ADGRL2: variants seen among roughly 807,000 people sequenced by gnomAD.
ADGRL2 encodes the protein adhesion G protein-coupled receptor L2.
Under a neutral mutation model 157.4 loss-of-function variants are expected in ADGRL2, and 44 were observed. The ratio of observed to expected loss-of-function variants is 0.28; its 90% CI spans 0.22 to 0.36. The LOEUF (loss-of-function observed/expected upper bound fraction) is 0.36. Among genes scored for constraint, ADGRL2 ranks in the 10% least tolerant of loss-of-function variants. The pLI is 1.00. For synonymous variants in ADGRL2, 585 were observed against 624.7 expected, an observed-to-expected ratio of 0.94 and a Z score of 0.95; for missense variants, 1,510 against 1,768.9, an observed-to-expected ratio of 0.85 and a Z score of 2.63.
At chr1:81,721,207 G>A (rs2084306611) in intron 1 of ADGRL2, among the ~76,000 whole-genome samples, 1 of 150,950 alleles carries the variant, frequency 6.6e-6, no homozygotes, top group Admixed American at 6.7e-5. Flanking sequence ...AATGGTAACG[G>A]CATACATTTA....
intron 2 of ADGRL2, among the ~76,000 whole-genome samples, chr1:81,772,166 C>T (rs1282411112): frequency 6.6e-6 from 1 of 150,444 alleles, no homozygotes; most frequent in Non-Finnish European, 1.5e-5. Flanking sequence ...AGGAGAATCG[C>T]TTGAACCCGG....
intron 2 of ADGRL2, among the ~76,000 whole-genome samples, chr1:81,764,153 C>A (rs1285612267): frequency 1.4e-5 from 2 of 143,584 alleles, no homozygotes; most frequent in East Asian, 4.2e-4. Context: ...GATTGCACCA[C>A]TGCACTCCAG....
intron 1 of ADGRL2, among the ~76,000 whole-genome samples, chr1:81,352,839 T>C (rs1008636739): frequency 4.6e-5 from 7 of 152,266 alleles, no homozygotes; most frequent in South Asian, 2.1e-4. Context: ...TAAGTTTGAG[T>C]AGTAGAGTCA....
intron 2 of ADGRL2, among the ~76,000 whole-genome samples, chr1:81,460,464 G>T (rs188838338): frequency 6.6e-6 from 1 of 151,968 alleles, no homozygotes; most frequent in African/African-American, 2.4e-5. Context: ...ATTTTTCAAA[G>T]TTAAAAAAAT....
At chr1:81,844,872 A>G (rs2092724951) in intron 2 of ADGRL2, among the ~76,000 whole-genome samples, 1 of 152,066 alleles carries the variant, frequency 6.6e-6, no homozygotes, top group Admixed American at 6.6e-5. Context: ...TGTCTGCCAT[A>G]ATTCTTGCTT....
At chr1:81,811,869 C>A (rs1351706134) in intron 1 of ADGRL2, among the ~76,000 whole-genome samples, 1 of 151,146 alleles carries the variant, frequency 6.6e-6, no homozygotes, top group Non-Finnish European at 1.5e-5. Flanking sequence ...ATGAGCCGGG[C>A]AGCTTTTTTT....
intron 3 of ADGRL2, among the ~76,000 whole-genome samples, chr1:81,600,248 T>C (rs1570606782): frequency 1.3e-5 from 2 of 152,338 alleles, no homozygotes; most frequent in Admixed American, 1.3e-4. Flanking sequence ...ACCAAATGGA[T>C]GGCAAAGCCT....
intron 1 of ADGRL2, among the ~76,000 whole-genome samples, chr1:81,802,662 GAGCT>G (rs1290496319): frequency 6.6e-6 from 1 of 152,102 alleles, no homozygotes; most frequent in African/African-American, 2.4e-5. Flanking sequence ...GTCCTCGGCG[GAGCT>G]TATTTGCTCC....
chr1:81,781,266 A>G (rs1185056340), intron 2 of ADGRL2, among the ~76,000 whole-genome samples: 5 of 152,100 alleles, frequency 3.3e-5, no homozygotes, highest in Admixed American at 3.3e-4. Context: ...ATGTTTTCCC[A>G]TCTCTACTCT....
chr1:81,636,614 C>A (rs1256671558), intron 3 of ADGRL2, among the ~76,000 whole-genome samples: 7 of 152,034 alleles, frequency 4.6e-5, no homozygotes, highest in Non-Finnish European at 1.0e-4. Context: ...ACCCATACGT[C>A]CCCATTTTCT....
At chr1:81,573,657 C>T (rs1033545411) in intron 2 of ADGRL2, among the ~76,000 whole-genome samples, 3 of 152,142 alleles carry the variant, frequency 2.0e-5, no homozygotes, top group African/African-American at 7.2e-5. Flanking sequence ...TCTACTGGCT[C>T]TACTGGTACT....
chr1:81,503,249 C>T (rs1396937269), intron 2 of ADGRL2: 77 of 1,614,094 alleles, frequency 4.8e-5, no homozygotes, highest in Admixed American at 1.3e-4. Context: ...AACCTGACCA[C>T]GAGTAGCATT....
intron 1 of ADGRL2, among the ~76,000 whole-genome samples, chr1:81,357,448 T>C (rs1663400175): frequency 6.6e-6 from 1 of 152,146 alleles, no homozygotes; most frequent in Non-Finnish European, 1.5e-5. Flanking sequence ...TCATCTTCAC[T>C]CTTTTACCAG....
intron 6 of ADGRL2, among the ~76,000 whole-genome samples, chr1:81,944,307 A>G (rs1400585640): frequency 1.3e-5 from 2 of 152,086 alleles, no homozygotes; most frequent in Non-Finnish European, 2.9e-5. Flanking sequence ...AATTAGTGAC[A>G]GTTTGAAGTC....
At chr1:81,339,676 C>T (rs1260318752) in intron 1 of ADGRL2, among the ~76,000 whole-genome samples, 3 of 152,128 alleles carry the variant, frequency 2.0e-5, no homozygotes, top group Non-Finnish European at 2.9e-5. Flanking sequence ...TTTTCAGTCT[C>T]TCAAGATTGA....
intron 2 of ADGRL2, among the ~76,000 whole-genome samples, chr1:81,874,243 A>G (rs1053338204): frequency 2.6e-5 from 4 of 152,142 alleles, no homozygotes; most frequent in African/African-American, 9.7e-5. Context: ...TCTGAAGATC[A>G]TAGGTCAAGC....
intron 3 of ADGRL2, among the ~76,000 whole-genome samples, chr1:81,581,610 A>C (rs942260585): frequency 3.3e-5 from 5 of 152,176 alleles, no homozygotes; most frequent in Non-Finnish European, 2.9e-5. Flanking sequence ...CCACGACTTG[A>C]TTATACTCAT....
Position 81,555,992 on chromosome 1 carries a change from T to C in ADGRL2, c.-247-24884T>C, listed in dbSNP as rs115844403. Among the ~76,000 whole-genome samples, 451 of 151,514 alleles carry C rather than the reference T, an allele frequency of 3.0e-3. 2 individuals carry two copies. Among genetic ancestry groups the C allele is most frequent in the African/African-American group, 0.011 (433 of 41,232 alleles). On this transcript the variant is annotated intron_variant, in intron 2 of 24. Coordinates refer to the ADGRL2 transcript ENST00000370721. ...TTAGCGTATCACTGCTCCTACTACA[T>C]TCCTGAAAAAAAAAAAGTAAACACC...
intron 2 of ADGRL2, among the ~76,000 whole-genome samples, chr1:81,787,943 T>C: frequency 6.6e-6 from 1 of 152,134 alleles, no homozygotes; most frequent in African/African-American, 2.4e-5. Context: ...AACATAAAAA[T>C]TATTGAGCAC....
Sources: gnomAD v4.1 joint callset for allele counts (sites outside exome capture counted in the v4.1 genomes callset) on GRCh38, gnomAD v4.1.1 for gene constraint, MANE v1.5 for transcripts, NCBI Gene and HGNC (gene_info 2026-07-23, HGNC 2026-07-21) for gene names.